The following RSPO4 variants were observed in gnomAD, a reference collection of about 807,000 sequenced individuals.
The protein encoded by RSPO4 is R-spondin 4.
A neutral mutation model predicts 24.8 loss-of-function variants in RSPO4; 23 were observed. The ratio of observed to expected loss-of-function variants is 0.93; its 90% CI spans 0.67 to 1.31. The LOEUF (loss-of-function observed/expected upper bound fraction) is 1.31, where lower values mean the gene tolerates loss of function less well. Among genes scored for constraint, RSPO4 ranks in the 40% most tolerant of loss-of-function variants. The pLI is 0.00. For missense variants in RSPO4, 333 were observed against 316.5 expected (o/e 1.05, Z -0.39); for synonymous variants, 141 against 127.4 (o/e 1.11, Z -0.72).
chr20:963,879 C>T, intron 4 of RSPO4, 56 bp downstream of exon 4: 2 of 1,566,556 alleles, frequency 1.3e-6, no homozygotes, highest in South Asian at 2.2e-5. Flanking sequence ...TCTGAGTCCG[C>T]CCTGTCCCTG....
At chr20:993,628 G>A (rs1256592486) in intron 1 of RSPO4, among the ~76,000 whole-genome samples, 1 of 152,194 alleles carries the variant, frequency 6.6e-6, no homozygotes, top group Non-Finnish European at 1.5e-5. Context: ...CCTGGGAGGA[G>A]GGCTGGCATG....
chr20:961,367 T>G lies in RSPO4; in HGVS notation c.596-901A>C, dbSNP rs112434655. On this transcript the variant is annotated intron_variant, in intron 4 of 4. Coordinates refer to ENST00000217260, the MANE Select transcript of RSPO4 (RefSeq NM_001029871.4). ...ACCTGAGGCTCCATGAGTCACTTTC[T>G]GAAGGTGCGCAGCGAGGCTGTTAGA... Among the ~76,000 whole-genome samples the G allele has an allele frequency of 1.5e-4, 23 of 152,336 alleles. 4 individuals are homozygous for G. Among genetic ancestry groups the G allele is most frequent in the African/African-American group, 5.3e-4 (22 of 41,580 alleles).
At chr20:960,972 G>A (rs1483458512) in intron 4 of RSPO4, among the ~76,000 whole-genome samples, 3 of 152,208 alleles carry the variant, frequency 2.0e-5, no homozygotes, top group Non-Finnish European at 4.4e-5. Flanking sequence ...TTATGTATAC[G>A]AAACTCACAA....
At chr20:986,174 T>C (rs1192511036) in intron 1 of RSPO4, among the ~76,000 whole-genome samples, 1 of 152,126 alleles carries the variant, frequency 6.6e-6, no homozygotes, top group Non-Finnish European at 1.5e-5. Flanking sequence ...CCTTGCTCAG[T>C]AATCACACCT....
At chr20:965,562 T>C (rs12626160) in intron 3 of RSPO4, among the ~76,000 whole-genome samples, 14,620 of 152,214 alleles carry the variant, frequency 0.096, 1,100 homozygotes, top group East Asian at 0.26. Context: ...GAGACTGGGC[T>C]GGAGGGACTG....
At chr20:998,985 CTTT>C (rs537819758) in intron 1 of RSPO4, among the ~76,000 whole-genome samples, 16 of 131,788 alleles carry the variant, frequency 1.2e-4, no homozygotes, top group African/African-American at 2.3e-4. Context: ...CTCTCGCTCT[CTTT>C]TTTTTTTTTT....
chr20:995,505 A>G (rs778553057), intron 1 of RSPO4, among the ~76,000 whole-genome samples: 23 of 152,152 alleles, frequency 1.5e-4, no homozygotes, highest in Non-Finnish European at 2.2e-4. Context: ...TGTTTGATGC[A>G]GGAGGAGATT....
chr20:979,622 G>A (rs541313676), intron 1 of RSPO4, among the ~76,000 whole-genome samples: 1 of 151,868 alleles, frequency 6.6e-6, no homozygotes, highest in South Asian at 2.1e-4. Flanking sequence ...TGTAAGCCCT[G>A]GGTCTGGAGA....
At chr20:975,698 A>G (rs1446313297) in intron 1 of RSPO4, among the ~76,000 whole-genome samples, 1 of 152,216 alleles carries the variant, frequency 6.6e-6, no homozygotes, top group Non-Finnish European at 1.5e-5. Context: ...TCATTCATTC[A>G]TCGACCCATT....
intron 1 of RSPO4, among the ~76,000 whole-genome samples, chr20:995,517 A>C (rs1300757818): frequency 6.6e-6 from 1 of 151,910 alleles, no homozygotes; most frequent in Non-Finnish European, 1.5e-5. Context: ...GAGGAGATTT[A>C]GGGCCCCGAC....
At chr20:992,885 T>C (rs936805620) in intron 1 of RSPO4, among the ~76,000 whole-genome samples, 2 of 152,196 alleles carry the variant, frequency 1.3e-5, no homozygotes, top group Non-Finnish European at 2.9e-5. Flanking sequence ...AAGGGAGAGA[T>C]GACCTGCCCA....
rs889606195 is a variant in RSPO4, at chr20:970,102, C to A, written c.80-1964G>T. On this transcript the variant is annotated intron_variant, in intron 1 of 4. Coordinates refer to ENST00000217260, the MANE Select transcript of RSPO4 (RefSeq NM_001029871.4). This position sits in a 1 kb window ranked among gnomAD's most constrained non-coding sequence, Gnocchi z 4.1. ...GAGTTCTGGCCCTCCTTTAAGTTGG[C>A]AGCAGGTGAGAGCTAACGAAAGCCC... Among the ~76,000 whole-genome samples the A allele has an allele frequency of 2.0e-5, 3 of 152,204 alleles. No individual in the cohort carries two copies. In the South Asian group the frequency reaches 6.2e-4, roughly 32 times the overall value.
At chr20:999,759 A>T (rs1475135714) in intron 1 of RSPO4, among the ~76,000 whole-genome samples, 2 of 151,936 alleles carry the variant, frequency 1.3e-5, no homozygotes, top group Non-Finnish European at 2.9e-5. Flanking sequence ...TGAGCTGTAG[A>T]TGGGGCGGGG....
chr20:963,208 G>A (rs1174526324), intron 4 of RSPO4, among the ~76,000 whole-genome samples: 1 of 152,182 alleles, frequency 6.6e-6, no homozygotes, highest in Non-Finnish European at 1.5e-5. Context: ...AAGACGAGCT[G>A]TCCCCCTGTT....
chr20:960,339 A>T lies in RSPO4; in HGVS notation c.*18T>A. 1.3e-6 allele frequency: 2 copies of T among 1,514,604 alleles called. No individual in the cohort carries two copies. Among genetic ancestry groups the T allele is most frequent in the Non-Finnish European group, 1.8e-6 (2 of 1,127,248 alleles). 93.8% of individuals were successfully genotyped at this position (1,514,604 alleles called of 1,614,324 possible). A position where few individuals can be genotyped will look rare whatever the true frequency, so the allele number is the denominator to read the frequency against. ...CAGGGGCCGAGGACTAGGACCAGAG[A>T]GTCGGGAGAGCCGGCGGTCAGGGCT... On this transcript the variant is annotated 3_prime_UTR_variant, in exon 5 of 5. Coordinates refer to ENST00000217260, the MANE Select transcript of RSPO4 (RefSeq NM_001029871.4).
chr20:994,732 T>C (rs1230900615), intron 1 of RSPO4, among the ~76,000 whole-genome samples: 1 of 152,082 alleles, frequency 6.6e-6, no homozygotes, highest in Non-Finnish European at 1.5e-5. Context: ...CCCAGCTAAT[T>C]TTTGTATTTT....
intron 3 of RSPO4, among the ~76,000 whole-genome samples, chr20:966,176 G>T (rs1253351327): frequency 6.6e-6 from 1 of 152,166 alleles, no homozygotes; most frequent in Non-Finnish European, 1.5e-5. Flanking sequence ...CAGCTGGAAT[G>T]ACCATGAATG....
At chr20:994,392 C>G (rs1279084604) in intron 1 of RSPO4, among the ~76,000 whole-genome samples, 1 of 152,108 alleles carries the variant, frequency 6.6e-6, no homozygotes, top group Admixed American at 6.5e-5. Flanking sequence ...GTGGCTTGGT[C>G]TCTTTCACAA....
intron 1 of RSPO4, among the ~76,000 whole-genome samples, chr20:987,685 G>T (rs1600098912): frequency 6.6e-6 from 1 of 152,298 alleles, no homozygotes; most frequent in East Asian, 1.9e-4. Flanking sequence ...CAGCTACTCA[G>T]GAGGCTGAGG....
Sources: allele counts gnomAD v4.1 joint callset (sites outside exome capture counted in the v4.1 genomes callset), GRCh38; gene constraint gnomAD v4.1.1; non-coding constraint Gnocchi (gnomAD v3.1); transcripts MANE v1.5; gene names NCBI Gene and HGNC (gene_info 2026-07-23, HGNC 2026-07-21).